Variants in MARCHF1 observed in about 807,000 individuals in gnomAD.
The protein encoded by MARCHF1 is E3 ubiquitin-protein ligase MARCHF1.
Under a neutral mutation model 54.2 loss-of-function variants are expected in MARCHF1, and 40 were observed. The ratio of observed to expected loss-of-function variants is 0.74; its 90% CI spans 0.57 to 0.96. The LOEUF is 0.96. Ranked by LOEUF, MARCHF1 falls within the 40% of genes least tolerant of loss-of-function variation. The probability of loss-of-function intolerance (pLI) is 0.00; values close to 1 mark genes in which losing one functional copy is unlikely to be tolerated. For synonymous variants in MARCHF1, 236 were observed against 236.3 expected (o/e 1.00, Z 0.01); for missense variants, 586 against 656.5 (o/e 0.89, Z 1.17).
chr4:164,020,263 G>A (rs1051332511), intron 2 of MARCHF1, among the ~76,000 whole-genome samples: 19 of 152,286 alleles, frequency 1.2e-4, no homozygotes, highest in South Asian at 6.2e-4. Context: ...AGAGCTGGCA[G>A]TTGAGTTTTG....
At chr4:163,689,653 A>G (rs1392007827) in intron 5 of MARCHF1, among the ~76,000 whole-genome samples, 1 of 138,422 alleles carries the variant, frequency 7.2e-6, no homozygotes, top group African/African-American at 2.7e-5. Context: ...ACCTGCGTGG[A>G]TTTTTTTTTT....
At chr4:164,122,031 G>T (rs1756077700) in intron 1 of MARCHF1, among the ~76,000 whole-genome samples, 1 of 152,074 alleles carries the variant, frequency 6.6e-6, no homozygotes. Flanking sequence ...ATGCAAGTAT[G>T]GTTCAACATA....
At chr4:164,158,798 G>A (rs1265862341) in intron 1 of MARCHF1, among the ~76,000 whole-genome samples, 1 of 151,916 alleles carries the variant, frequency 6.6e-6, no homozygotes, top group Non-Finnish European at 1.5e-5. Flanking sequence ...TTCCAACTAT[G>A]CTCCGCCAAA....
intron 3 of MARCHF1, among the ~76,000 whole-genome samples, chr4:163,873,751 A>G (rs1750230213): frequency 6.6e-6 from 1 of 152,236 alleles, no homozygotes; most frequent in African/African-American, 2.4e-5. Flanking sequence ...GTTCTGAGGC[A>G]TAGCAGCTCT....
At chr4:163,705,616 C>G (rs1453019578) in intron 4 of MARCHF1, among the ~76,000 whole-genome samples, 1 of 151,892 alleles carries the variant, frequency 6.6e-6, no homozygotes, top group African/African-American at 2.4e-5. Context: ...AGATATTTGA[C>G]AAACTTTGGC....
chr4:164,069,456 C>G (rs976773776), intron 2 of MARCHF1, among the ~76,000 whole-genome samples: 2 of 152,194 alleles, frequency 1.3e-5, no homozygotes, highest in South Asian at 4.1e-4. Flanking sequence ...ACACTCACCG[C>G]GAAGGTCTGC....
At chr4:163,742,108 A>G (rs1273345985) in intron 4 of MARCHF1, among the ~76,000 whole-genome samples, 1 of 151,758 alleles carries the variant, frequency 6.6e-6, no homozygotes, top group Non-Finnish European at 1.5e-5. Context: ...TGTGTCTGCA[A>G]TTTTTTTTAT....
intron 5 of MARCHF1, among the ~76,000 whole-genome samples, chr4:163,627,115 C>T (rs138434146): frequency 1.1e-3 from 160 of 152,310 alleles, no homozygotes; most frequent in African/African-American, 3.8e-3. Flanking sequence ...TCATCTGATA[C>T]TATTATCCCA....
chr4:163,655,091 T>A (rs1211837723), intron 5 of MARCHF1, among the ~76,000 whole-genome samples: 1 of 151,686 alleles, frequency 6.6e-6, no homozygotes, highest in Middle Eastern at 3.2e-3. Context: ...ATTTTAAGAT[T>A]ACTGTTTACA....
At chr4:163,939,408 G>A (rs542342038) in intron 3 of MARCHF1, among the ~76,000 whole-genome samples, 1 of 152,076 alleles carries the variant, frequency 6.6e-6, no homozygotes, top group Non-Finnish European at 1.5e-5. Context: ...GTGCATGTTA[G>A]CTCGCTAGGG....
chr4:164,240,769 G>C (rs1732718076), intron 1 of MARCHF1, among the ~76,000 whole-genome samples: 1 of 152,076 alleles, frequency 6.6e-6, no homozygotes, highest in African/African-American at 2.4e-5. Flanking sequence ...TAAACTTAAA[G>C]CAAGGATGAT....
At chr4:164,008,448 A>T (rs1753343597) in intron 2 of MARCHF1, among the ~76,000 whole-genome samples, 1 of 152,100 alleles carries the variant, frequency 6.6e-6, no homozygotes, top group African/African-American at 2.4e-5. Context: ...TAAAATGAAA[A>T]ACAATGGGAT....
In MARCHF1 at chr4:163,733,708, T is replaced by C. The variant is rs1745949595; in HGVS notation, c.112-32845A>G. Among the ~76,000 whole-genome samples the C allele has an allele frequency of 2.0e-5, 3 of 152,178 alleles. No individual in the cohort carries two copies. In the South Asian group the frequency reaches 6.2e-4, roughly 32 times the overall value. Reference sequence around the variant, plus strand: ...GCCATAACTGTAAAATCTAAAACTATACAACTTCTAAAAGAAAACATAGAA... The same window carrying C: ...GCCATAACTGTAAAATCTAAAACTACACAACTTCTAAAAGAAAACATAGAA... On this transcript the variant is annotated intron_variant, in intron 4 of 9. Coordinates refer to ENST00000514618, the MANE Select transcript of MARCHF1 (RefSeq NM_001394959.1).
chr4:163,618,566 G>A (rs1054522686), intron 5 of MARCHF1, among the ~76,000 whole-genome samples: 4 of 151,946 alleles, frequency 2.6e-5, no homozygotes, highest in African/African-American at 9.7e-5. Context: ...GTCCTTTATG[G>A]GATCACTTCC....
intron 2 of MARCHF1, among the ~76,000 whole-genome samples, chr4:164,088,748 A>G (rs974466232): frequency 6.6e-6 from 1 of 152,204 alleles, no homozygotes; most frequent in African/African-American, 2.4e-5. Flanking sequence ...CAGAAAAATT[A>G]AAATAAAATA....
chr4:163,571,951 G>A (rs1210712466), intron 8 of MARCHF1, among the ~76,000 whole-genome samples: 2 of 152,040 alleles, frequency 1.3e-5, no homozygotes, highest in Non-Finnish European at 2.9e-5. Flanking sequence ...TGTAGCGAAG[G>A]TACTTATATC....
chr4:164,197,854 A>AT, intron 1 of MARCHF1: 2 of 1,398,110 alleles, frequency 1.4e-6, no homozygotes, highest in East Asian at 5.0e-5. Context: ...CAAATATTAT[A>AT]ATAAAGGGAC....
intron 3 of MARCHF1, among the ~76,000 whole-genome samples, chr4:163,894,600 G>C (rs1750738748): frequency 1.5e-5 from 2 of 136,270 alleles, no homozygotes; most frequent in Non-Finnish European, 1.6e-5. Context: ...ATATATGCAT[G>C]TGATGCATAT....
chr4:163,650,762 C>T (rs931422885), intron 5 of MARCHF1, among the ~76,000 whole-genome samples: 4 of 151,910 alleles, frequency 2.6e-5, no homozygotes, highest in African/African-American at 4.8e-5. Context: ...CATGTGTATT[C>T]GTTAGCCTTT....
Sources: allele counts gnomAD v4.1 joint callset (sites outside exome capture counted in the v4.1 genomes callset), GRCh38; gene constraint gnomAD v4.1.1; transcripts MANE v1.5; gene names NCBI Gene and HGNC (gene_info 2026-07-23, HGNC 2026-07-21).